The following UBE2E2 variants were observed in gnomAD, a reference collection of about 807,000 sequenced individuals.
UBE2E2 encodes the protein ubiquitin-conjugating enzyme E2 E2.
A neutral mutation model predicts 24.7 loss-of-function variants in UBE2E2; 6 were observed. The observed-to-expected ratio is 0.24, with a 90% CI of 0.13 to 0.48. The LOEUF (loss-of-function observed/expected upper bound fraction) is 0.48. UBE2E2 is among the 20% of genes least tolerant of loss of function. The pLI is 0.99. For synonymous variants in UBE2E2, 104 were observed against 83.6 expected (o/e 1.24, Z -1.33); for missense variants, 169 against 245.0 (o/e 0.69, Z 2.07).
intron 3 of UBE2E2, among the ~76,000 whole-genome samples, chr3:23,458,428 T>TGG (rs76760747): frequency 0.021 from 3,154 of 147,606 alleles, 87 homozygotes; most frequent in African/African-American, 0.067. Context: ...GTGGTGGTGG[T>TGG]TGTTGTTGTT....
At chr3:23,527,843 C>T (rs975994583) in intron 4 of UBE2E2, among the ~76,000 whole-genome samples, 1 of 151,770 alleles carries the variant, frequency 6.6e-6, no homozygotes, top group Non-Finnish European at 1.5e-5. Context: ...CCCCTTATGG[C>T]TCGTACCTTA....
chr3:23,502,193 GT>G lies in UBE2E2; in HGVS notation c.360+2461del, dbSNP rs201699473. ...TAGTACATGTTTCAAGTTGTCTTGG[GT>G]TTTTTTTCTCTGCTGCTTGGTATTT... On this transcript the variant is annotated intron_variant, in intron 4 of 5. Transcript: ENST00000396703. Among the ~76,000 whole-genome samples, 177 of 148,640 alleles carry G rather than the reference GT, an allele frequency of 1.2e-3. 4 individuals carry two copies. The East Asian group carries it at 0.016, about 13-fold the overall frequency.
At chr3:23,313,379 A>G (rs1694466301) in intron 3 of UBE2E2, among the ~76,000 whole-genome samples, 1 of 111,558 alleles carries the variant, frequency 9.0e-6, no homozygotes, top group Admixed American at 9.9e-5. Context: ...GCAATGGATC[A>G]TTGGGTCTTT....
At chr3:23,378,093 A>G (rs536328751) in intron 3 of UBE2E2, among the ~76,000 whole-genome samples, 12 of 152,100 alleles carry the variant, frequency 7.9e-5, no homozygotes, top group Non-Finnish European at 1.6e-4. Flanking sequence ...GCTGAGAGAT[A>G]TTAAAAGCAG....
chr3:23,446,699 G>GTTTTTTTTTTTTTTTTTTTTTTTTTTT (rs57327621), intron 3 of UBE2E2, among the ~76,000 whole-genome samples: 1 of 112,230 alleles, frequency 8.9e-6, no homozygotes, highest in African/African-American at 3.7e-5. Context: ...CGTCTGTTTG[G>GTTTTTTTTTTTTTTTTTTTTTTTTTTT]TTTTTTTTTT....
chr3:23,566,319 G>T (rs1696071247), intron 5 of UBE2E2, among the ~76,000 whole-genome samples: 1 of 152,204 alleles, frequency 6.6e-6, no homozygotes, highest in South Asian at 2.1e-4. Context: ...AGCCTTGCCA[G>T]TGGGGATCTC....
chr3:23,490,648 TTCTCAGTGAC>T, intron 3 of UBE2E2, among the ~76,000 whole-genome samples: 1 of 152,320 alleles, frequency 6.6e-6, no homozygotes, highest in South Asian at 2.1e-4. Context: ...AAGTCTTCCT[TTCTCAGTGAC>T]TCATAGAAGG....
At chr3:23,390,715 T>TTGCCTGTGTGCTCCCTCTCCC (rs1471703401) in intron 3 of UBE2E2, among the ~76,000 whole-genome samples, 31 of 152,330 alleles carry the variant, frequency 2.0e-4, no homozygotes, top group African/African-American at 6.7e-4. Flanking sequence ...CTGCACCTGC[T>TTGCCTGTGTGCTCCCTCTCCC]TGCCTGTGTG....
At chr3:23,288,901 T>A (rs931583958) in intron 3 of UBE2E2, among the ~76,000 whole-genome samples, 1 of 152,180 alleles carries the variant, frequency 6.6e-6, no homozygotes, top group Non-Finnish European at 1.5e-5. Context: ...AGAATACATA[T>A]TCTCTCTTCA....
chr3:23,255,331 C>A (rs749792555), intron 3 of UBE2E2, among the ~76,000 whole-genome samples: 1 of 151,438 alleles, frequency 6.6e-6, no homozygotes, highest in Non-Finnish European at 1.5e-5. Flanking sequence ...TCAGCTCAAG[C>A]GATCCGTGTT....
intron 3 of UBE2E2, among the ~76,000 whole-genome samples, chr3:23,368,558 T>C (rs1252186111): frequency 6.6e-6 from 1 of 152,226 alleles, no homozygotes; most frequent in Non-Finnish European, 1.5e-5. Context: ...TTGGTACATA[T>C]AATATAAAGT....
chr3:23,217,344 T>A, intron 3 of UBE2E2, 32 bp downstream of exon 3: 1 of 1,600,584 alleles, frequency 6.2e-7, no homozygotes, highest in Non-Finnish European at 8.6e-7. Context: ...TTTACTTGTA[T>A]CTTTTGCAGA....
chr3:23,489,069 T>G (rs980746034), intron 3 of UBE2E2, among the ~76,000 whole-genome samples: 1 of 152,156 alleles, frequency 6.6e-6, no homozygotes, highest in Non-Finnish European at 1.5e-5. Context: ...GCAGATGTAG[T>G]GACAGGATAA....
At chr3:23,281,848 G>A (rs867214943) in intron 3 of UBE2E2, among the ~76,000 whole-genome samples, 13 of 152,174 alleles carry the variant, frequency 8.5e-5, no homozygotes, top group Admixed American at 3.3e-4. Flanking sequence ...TTATTGAAGA[G>A]GATGTATGCC....
chr3:23,560,160 GT>G (rs1183221511), intron 5 of UBE2E2, among the ~76,000 whole-genome samples: 1 of 151,684 alleles, frequency 6.6e-6, no homozygotes, highest in Non-Finnish European at 1.5e-5. Flanking sequence ...TGCTGCACCC[GT>G]TAACTCATCA....
At chr3:23,527,876 G>C (rs1030892616) in intron 4 of UBE2E2, among the ~76,000 whole-genome samples, 1 of 148,170 alleles carries the variant, frequency 6.7e-6, no homozygotes, top group African/African-American at 2.5e-5. Flanking sequence ...CTTCTTAACT[G>C]TTCAGCTGTA....
intron 3 of UBE2E2, among the ~76,000 whole-genome samples, chr3:23,429,548 A>T (rs1259549933): frequency 1.3e-5 from 2 of 152,180 alleles, no homozygotes; most frequent in African/African-American, 4.8e-5. Flanking sequence ...TCATATCAAT[A>T]AAGAAAGGGC....
intron 3 of UBE2E2, among the ~76,000 whole-genome samples, chr3:23,484,959 G>A (rs1699330767): frequency 6.6e-6 from 1 of 152,086 alleles, no homozygotes; most frequent in Admixed American, 6.5e-5. Context: ...TGGGAACACA[G>A]TCAAGCCATA....
intron 5 of UBE2E2, among the ~76,000 whole-genome samples, chr3:23,580,634 G>T (rs1295594783): frequency 6.6e-6 from 1 of 152,148 alleles, no homozygotes; most frequent in Non-Finnish European, 1.5e-5. Flanking sequence ...GCCTGTATTT[G>T]CAGTGCAATG....
Sources: gnomAD v4.1 joint callset for allele counts (sites outside exome capture counted in the v4.1 genomes callset) on GRCh38, gnomAD v4.1.1 for gene constraint, MANE v1.5 for transcripts, NCBI Gene and HGNC (gene_info 2026-07-23, HGNC 2026-07-21) for gene names.